Variants in SPOCK1 observed in about 807,000 individuals in gnomAD.
SPOCK1 encodes testican-1.
Under a neutral mutation model 55.3 loss-of-function variants are expected in SPOCK1, and 23 were observed. That is an observed-to-expected ratio of 0.42 (90% CI 0.30 to 0.59). The LOEUF is 0.59. Among genes scored for constraint, SPOCK1 ranks in the 20% least tolerant of loss-of-function variants. The pLI, the probability that SPOCK1 is intolerant of heterozygous loss-of-function variation, is 0.22. For missense variants in SPOCK1, 499 were observed against 552.5 expected (o/e 0.90, Z 0.97); for synonymous variants, 226 against 221.0 (o/e 1.02, Z -0.20).
At chr5:137,348,973 T>C (rs988524609) in intron 2 of SPOCK1, among the ~76,000 whole-genome samples, 2 of 152,090 alleles carry the variant, frequency 1.3e-5, no homozygotes, top group Non-Finnish European at 2.9e-5. Context: ...ACCTCCGAGA[T>C]TGGTTACAAA....
At chr5:137,377,311 C>T (rs7737378) in intron 2 of SPOCK1, among the ~76,000 whole-genome samples, 113,758 of 152,076 alleles carry the variant, frequency 0.75, 42,715 homozygotes, top group Middle Eastern at 0.86. Flanking sequence ...AGGACTCTGA[C>T]AGGGTAGAAA....
At chr5:137,353,904 T>C (rs17647139) in intron 2 of SPOCK1, among the ~76,000 whole-genome samples, 10,850 of 152,186 alleles carry the variant, frequency 0.071, 518 homozygotes, top group Admixed American at 0.15. Flanking sequence ...CCTCTACAGA[T>C]ACTTGCTGGC....
chr5:137,451,072 G>C (rs976855328), intron 2 of SPOCK1, among the ~76,000 whole-genome samples: 1 of 151,972 alleles, frequency 6.6e-6, no homozygotes, highest in African/African-American at 2.4e-5. Context: ...GATAATCCCC[G>C]CACCTGGCCC....
intron 2 of SPOCK1, among the ~76,000 whole-genome samples, chr5:137,440,545 T>A (rs1369514317): frequency 6.6e-6 from 1 of 152,206 alleles, no homozygotes; most frequent in Non-Finnish European, 1.5e-5. Flanking sequence ...ACGATCTTTT[T>A]AAAATGATCT....
In SPOCK1 at chr5:136,978,860, A is replaced by G; in HGVS notation, c.1130-16T>C. 1 of 1,597,162 alleles carries G rather than the reference A, an allele frequency of 6.3e-7. No homozygotes were observed. Among genetic ancestry groups the G allele is most frequent in the Non-Finnish European group, 8.5e-7 (1 of 1,172,538 alleles). On this transcript the variant is annotated splice_polypyrimidine_tract_variant and intron_variant, in intron 10 of 10. Transcript: ENST00000394945. ...TGCTCCTCTTCTGAAAGATTAAAAAAAGCATTGAGGTTAGTTTCCACTTAT... is the reference window on the plus strand; with the variant it reads ...TGCTCCTCTTCTGAAAGATTAAAAAGAGCATTGAGGTTAGTTTCCACTTAT...
chr5:137,066,896 G>A (rs949597044), intron 6 of SPOCK1, among the ~76,000 whole-genome samples: 1 of 151,340 alleles, frequency 6.6e-6, no homozygotes, highest in African/African-American at 2.4e-5. Context: ...GAGCCAGATA[G>A]ATAAACGCTC....
chr5:137,424,775 A>G (rs927589574), intron 2 of SPOCK1, among the ~76,000 whole-genome samples: 12 of 152,272 alleles, frequency 7.9e-5, no homozygotes, highest in African/African-American at 2.9e-4. Context: ...CCACTTATAC[A>G]TAAAATTTAT....
chr5:136,979,683 C>T (rs541001270), intron 9 of SPOCK1, among the ~76,000 whole-genome samples: 2 of 152,208 alleles, frequency 1.3e-5, no homozygotes. Context: ...AGTGTTTAAA[C>T]GGGAATGATA....
chr5:137,230,157 G>C (rs1756024018), intron 3 of SPOCK1, among the ~76,000 whole-genome samples: 1 of 152,196 alleles, frequency 6.6e-6, no homozygotes, highest in Admixed American at 6.5e-5. Context: ...CATAAACTCA[G>C]AGCCACTGAG....
intron 5 of SPOCK1, among the ~76,000 whole-genome samples, chr5:137,110,422 AT>A (rs1305589622): frequency 7.9e-5 from 12 of 152,180 alleles, no homozygotes; most frequent in Admixed American, 7.2e-4. Context: ...TCTCCAGATG[AT>A]TGTTTACACA....
At chr5:137,420,592 TTATAG>T (rs1752466258) in intron 2 of SPOCK1, among the ~76,000 whole-genome samples, 1 of 152,176 alleles carries the variant, frequency 6.6e-6, no homozygotes, top group Non-Finnish European at 1.5e-5. Context: ...CGTAGAGGTG[TTATAG>T]TATTCTCTGA....
At chr5:137,433,825 T>C (rs1316767068) in intron 2 of SPOCK1, among the ~76,000 whole-genome samples, 2 of 152,080 alleles carry the variant, frequency 1.3e-5, no homozygotes, top group Non-Finnish European at 2.9e-5. Flanking sequence ...CATGTCCTTA[T>C]CTAAATGGAA....
At chr5:137,483,944 G>A (rs1329196482) in intron 2 of SPOCK1, among the ~76,000 whole-genome samples, 4 of 152,350 alleles carry the variant, frequency 2.6e-5, no homozygotes, top group Non-Finnish European at 4.4e-5. Flanking sequence ...GCTCTCTGAG[G>A]TGAGTGCACC....
At chr5:137,087,241 G>A (rs996100445) in intron 5 of SPOCK1, among the ~76,000 whole-genome samples, 3 of 152,142 alleles carry the variant, frequency 2.0e-5, no homozygotes, top group African/African-American at 7.2e-5. Flanking sequence ...CTCTCTCAAG[G>A]TGAAAGCCAC....
In SPOCK1 at chr5:137,275,840, G is replaced by C. The variant is rs147775674; in HGVS notation, c.187-8785C>G. ...CTCCTCCCTCTTCCTTCCCTCTGCC[G>C]TTCAGGCAACAACGAAGTCATCTTC... On this transcript the variant is annotated intron_variant, in intron 2 of 10. Transcript: ENST00000394945. 2.0e-5 allele frequency among the ~76,000 whole-genome samples: 3 copies of C among 152,244 alleles called. No individual in the cohort carries two copies. The South Asian group carries it at 6.2e-4, about 32-fold the overall frequency.
At chr5:137,107,717 T>C (rs766347742) in intron 5 of SPOCK1, among the ~76,000 whole-genome samples, 53 of 152,188 alleles carry the variant, frequency 3.5e-4, no homozygotes, top group South Asian at 1.0e-3. Flanking sequence ...CCTCTGACTA[T>C]TGGGGGCCCG....
At chr5:137,421,180 G>A (rs1204992714) in intron 2 of SPOCK1, among the ~76,000 whole-genome samples, 2 of 152,172 alleles carry the variant, frequency 1.3e-5, no homozygotes, top group Non-Finnish European at 2.9e-5. Flanking sequence ...TATAATTTCT[G>A]TTCTTTTACA....
intron 2 of SPOCK1, among the ~76,000 whole-genome samples, chr5:137,433,116 T>C (rs901939092): frequency 1.3e-5 from 2 of 152,156 alleles, no homozygotes; most frequent in African/African-American, 4.8e-5. Context: ...AAATGCAGAA[T>C]CTTCAGAGAG....
intron 3 of SPOCK1, among the ~76,000 whole-genome samples, chr5:137,143,280 T>G (rs1754133781): frequency 6.6e-6 from 1 of 152,190 alleles, no homozygotes; most frequent in African/African-American, 2.4e-5. Context: ...CAGTACTACA[T>G]GACAAGCTTT....
Sources: allele counts gnomAD v4.1 joint callset (sites outside exome capture counted in the v4.1 genomes callset), GRCh38; gene constraint gnomAD v4.1.1; transcripts MANE v1.5; gene names NCBI Gene and HGNC (gene_info 2026-07-23, HGNC 2026-07-21).